Variants in ERBB4 observed in about 807,000 individuals in gnomAD.
ERBB4 encodes receptor tyrosine-protein kinase erbB-4.
ERBB4 carries 42 observed loss-of-function variants against 158.0 expected under a neutral mutation model. The ratio of observed to expected loss-of-function variants is 0.27; its 90% confidence interval spans 0.21 to 0.34. The LOEUF (loss-of-function observed/expected upper bound fraction) is 0.34, where lower values mean the gene tolerates loss of function less well. Among genes scored for constraint, ERBB4 ranks in the 10% least tolerant of loss-of-function variants. ERBB4 has a pLI of 1.00. For synonymous variants in ERBB4, 583 were observed against 558.7 expected (o/e 1.04, Z -0.61); for missense variants, 1,333 against 1,624.1 (o/e 0.82, Z 3.08).
intron 3 of ERBB4, among the ~76,000 whole-genome samples, chr2:211,912,905 C>A (rs1028599583): frequency 1.3e-5 from 2 of 152,168 alleles, no homozygotes; most frequent in Non-Finnish European, 2.9e-5. Flanking sequence ...ATCTATATAG[C>A]ACAGCCACTT....
chr2:212,299,483 T>C (rs536942916), intron 1 of ERBB4, among the ~76,000 whole-genome samples: 1 of 151,804 alleles, frequency 6.6e-6, no homozygotes, highest in Non-Finnish European at 1.5e-5. Context: ...TCTCATTAAA[T>C]GCATGTATTT....
At chr2:212,092,061 T>C (rs1439453575) in intron 2 of ERBB4, among the ~76,000 whole-genome samples, 1 of 152,126 alleles carries the variant, frequency 6.6e-6, no homozygotes, top group Non-Finnish European at 1.5e-5. Flanking sequence ...CTTGGAAAAA[T>C]TATTATAACT....
At chr2:211,989,208 C>A (rs1350202532) in intron 2 of ERBB4, among the ~76,000 whole-genome samples, 3 of 151,862 alleles carry the variant, frequency 2.0e-5, no homozygotes, top group African/African-American at 4.8e-5. Flanking sequence ...TTGTTGAAGT[C>A]CCTATAAATC....
At chr2:211,961,823 T>C (rs1286164949) in intron 2 of ERBB4, among the ~76,000 whole-genome samples, 1 of 151,998 alleles carries the variant, frequency 6.6e-6, no homozygotes, top group Non-Finnish European at 1.5e-5. Flanking sequence ...AGGTAAATTA[T>C]AAGAAGAGGG....
chr2:211,787,955 T>A, intron 4 of ERBB4, 70 bp downstream of exon 4: 1 of 1,449,824 alleles, frequency 6.9e-7, no homozygotes, highest in Non-Finnish European at 9.7e-7. Context: ...AATGACATAA[T>A]AAGCATAACT....
At chr2:212,439,728 G>A (rs933688777) in intron 1 of ERBB4, among the ~76,000 whole-genome samples, 2 of 152,160 alleles carry the variant, frequency 1.3e-5, no homozygotes, top group African/African-American at 4.8e-5. Flanking sequence ...ACCAGAAACA[G>A]CCTTCTGGAG....
At chr2:212,358,004 G>A (rs1386908030) in intron 1 of ERBB4, among the ~76,000 whole-genome samples, 2 of 151,726 alleles carry the variant, frequency 1.3e-5, no homozygotes, top group African/African-American at 2.4e-5. Flanking sequence ...CATTTTCTAG[G>A]CCAAATTTTG....
chr2:211,442,405 T>C (rs1559172761), intron 20 of ERBB4, among the ~76,000 whole-genome samples: 1 of 151,920 alleles, frequency 6.6e-6, no homozygotes, highest in Non-Finnish European at 1.5e-5. Flanking sequence ...CATCCATCCA[T>C]CCATCCATCC....
At chr2:211,755,664 G>A (rs75803844) in intron 4 of ERBB4, among the ~76,000 whole-genome samples, 2,369 of 152,214 alleles carry the variant, frequency 0.016, 61 homozygotes, top group African/African-American at 0.053. Context: ...CTTGTCCAGC[G>A]GATGTTACTA....
intron 1 of ERBB4, among the ~76,000 whole-genome samples, chr2:212,125,436 G>T (rs1422959142): frequency 6.6e-6 from 1 of 152,022 alleles, no homozygotes; most frequent in Non-Finnish European, 1.5e-5. Context: ...TTTATTTTAA[G>T]TTCAGGGGTA....
chr2:211,493,024 T>G (rs527671810), intron 20 of ERBB4, among the ~76,000 whole-genome samples: 1 of 152,128 alleles, frequency 6.6e-6, no homozygotes, highest in Non-Finnish European at 1.5e-5. Flanking sequence ...TATATGTCAT[T>G]AATGATTTCA....
chr2:211,376,871 T>G lies in ERBB4; in HGVS notation c.*6744A>C, dbSNP rs139821106. ...TGCAGCCACGCAATCCCTGGTGCTC[T>G]CAACATGAGAAGGAGACACACCAGC... On this transcript the variant is annotated 3_prime_UTR_variant, in exon 28 of 28. Coordinates refer to ENST00000342788, the MANE Select transcript of ERBB4 (RefSeq NM_005235.3). The G allele has an allele frequency of 1.4e-3, 315 of 233,168 alleles. No homozygotes were observed. Among genetic ancestry groups the G allele is most frequent in the African/African-American group, 6.3e-3 (287 of 45,398 alleles). 14.4% of individuals were successfully genotyped at this position (233,168 alleles called of 1,614,324 possible).
At chr2:211,657,528 T>A (rs1055680403) in intron 16 of ERBB4, 10 of 480,744 alleles carry the variant, frequency 2.1e-5, no homozygotes, top group African/African-American at 6.0e-5. Flanking sequence ...AAAAAAGAAA[T>A]CGATGGTGTT....
intron 15 of ERBB4, among the ~76,000 whole-genome samples, chr2:211,658,292 AT>A (rs376223735): frequency 3.7e-4 from 57 of 152,324 alleles, no homozygotes; most frequent in Middle Eastern, 3.4e-3. Context: ...ATCATACATG[AT>A]TACATGTCTC....
chr2:211,759,909 C>T (rs1007737027), intron 4 of ERBB4, among the ~76,000 whole-genome samples: 17 of 151,290 alleles, frequency 1.1e-4, no homozygotes, highest in African/African-American at 4.1e-4. Context: ...CATTTTTATC[C>T]TAAACATTTT....
At chr2:212,477,164 C>A (rs911038942) in intron 1 of ERBB4, among the ~76,000 whole-genome samples, 2 of 152,036 alleles carry the variant, frequency 1.3e-5, no homozygotes, top group African/African-American at 4.8e-5. Flanking sequence ...TCATTAGGGT[C>A]TAGAAATCAC....
chr2:212,038,464 CAA>C (rs2125365958), intron 2 of ERBB4, among the ~76,000 whole-genome samples: 1 of 152,184 alleles, frequency 6.6e-6, no homozygotes, highest in East Asian at 1.9e-4. Flanking sequence ...TGGTTACCAG[CAA>C]AGTGTGTGAC....
At chr2:212,424,291 G>A (rs1384840892) in intron 1 of ERBB4, among the ~76,000 whole-genome samples, 1 of 152,042 alleles carries the variant, frequency 6.6e-6, no homozygotes, top group East Asian at 1.9e-4. Context: ...TACCTACTCT[G>A]TGTCTGGTAC....
chr2:211,660,220 G>A (rs1270167574), intron 15 of ERBB4, among the ~76,000 whole-genome samples: 2 of 152,188 alleles, frequency 1.3e-5, no homozygotes, highest in Admixed American at 1.3e-4. Context: ...GAAGTTGCTA[G>A]ATTAGTATTT....
Sources: gnomAD v4.1 joint callset for allele counts (sites outside exome capture counted in the v4.1 genomes callset) on GRCh38, gnomAD v4.1.1 for gene constraint, MANE v1.5 for transcripts, NCBI Gene and HGNC (gene_info 2026-07-23, HGNC 2026-07-21) for gene names.